The following TACC2 variants were observed in gnomAD, a reference collection of about 807,000 sequenced individuals.
TACC2 encodes the protein transforming acidic coiled-coil-containing protein 2.
A neutral mutation model predicts 227.3 loss-of-function variants in TACC2; 137 were observed. The observed-to-expected ratio is 0.60, with a 90% confidence interval of 0.52 to 0.69. TACC2 has a LOEUF of 0.69. Ranked by LOEUF, TACC2 falls within the 30% of genes least tolerant of loss-of-function variation. The probability of loss-of-function intolerance (pLI) is 0.00; values close to 1 mark genes in which losing one functional copy is unlikely to be tolerated. For missense variants in TACC2, 3,470 were observed against 3,694.4 expected (o/e 0.94, Z 1.57); for synonymous variants, 1,523 against 1,487.5 (o/e 1.02, Z -0.55).
intron 2 of TACC2, among the ~76,000 whole-genome samples, chr10:122,044,566 A>T (rs2074744785): frequency 6.6e-6 from 1 of 152,200 alleles, no homozygotes; most frequent in Non-Finnish European, 1.5e-5. Context: ...GGGGCGACTT[A>T]GGCAGACACT....
intron 1 of TACC2, among the ~76,000 whole-genome samples, chr10:122,005,463 C>A (rs1236676530): frequency 6.6e-6 from 1 of 150,406 alleles, no homozygotes; most frequent in African/African-American, 2.4e-5. Context: ...CGGCTCACTG[C>A]AAGCTCCACC....
rs766415869 is a variant in TACC2, at chr10:122,086,465, C to T, written c.3965C>T (p.Pro1322Leu). The part of the protein sequence containing the change: ...GSPKARTTEG[P>L]VDSMPCLDRM... Reference sequence around the variant, plus strand: ...CCCAAAGCCAGAACCACTGAGGGACCAGTGGACTCCATGCCATGCCTGGAC... The same window carrying T: ...CCCAAAGCCAGAACCACTGAGGGACTAGTGGACTCCATGCCATGCCTGGAC... The change falls in exon 4 of 23, where the codon CCA (proline) becomes CTA (leucine). Residue 1322 changes from proline (P) to leucine (L), a missense_variant. Pro to Leu is a moderately conservative substitution (Grantham distance 98, BLOSUM62 -3). This residue lies in a region of TACC2 where 1,924 missense variants were observed against 1,978.3 expected (regional missense o/e 0.97). Coordinates refer to ENST00000369005, the MANE Select transcript of TACC2 (RefSeq NM_206862.4). The T allele has an allele frequency of 1.2e-6, 2 of 1,613,842 alleles. No homozygotes were observed. The highest frequency in any genetic ancestry group is 1.7e-6 in the Non-Finnish European group (2 of 1,180,034).
chr10:122,116,087 C>T (rs1468487395), intron 5 of TACC2, among the ~76,000 whole-genome samples: 2 of 151,982 alleles, frequency 1.3e-5, no homozygotes, highest in Non-Finnish European at 2.9e-5. Flanking sequence ...CAACTCCCTG[C>T]GATGACAGAA....
chr10:122,235,296 C>T (rs1158042139), intron 16 of TACC2, among the ~76,000 whole-genome samples: 2 of 152,184 alleles, frequency 1.3e-5, no homozygotes, highest in Non-Finnish European at 2.9e-5. Flanking sequence ...CCATGTTGGC[C>T]AGGCTGGTCT....
intron 2 of TACC2, among the ~76,000 whole-genome samples, chr10:122,036,739 A>T (rs972173924): frequency 2.6e-5 from 4 of 152,150 alleles, no homozygotes; most frequent in African/African-American, 7.2e-5. Context: ...TGCTGTGATG[A>T]ATATGGGTGT....
chr10:122,250,026 C>A (rs1662686719), intron 22 of TACC2, among the ~76,000 whole-genome samples: 1 of 152,254 alleles, frequency 6.6e-6, no homozygotes, highest in African/African-American at 2.4e-5. Context: ...GCCCACCAGG[C>A]CCTGGCAGTG....
chr10:122,066,483 G>T (rs904117059), intron 3 of TACC2, among the ~76,000 whole-genome samples: 20 of 152,152 alleles, frequency 1.3e-4, no homozygotes, highest in African/African-American at 4.8e-4. Flanking sequence ...TGGTCAGGGT[G>T]GTCTCGAACC....
chr10:122,160,992 G>A (rs60534825), intron 7 of TACC2, among the ~76,000 whole-genome samples: 11,653 of 152,084 alleles, frequency 0.077, 759 homozygotes, highest in African/African-American at 0.18. Flanking sequence ...ACCCAGGCTG[G>A]AGTGCAGTGG....
chr10:122,085,353 A>C lies in TACC2; in HGVS notation c.2853A>C (p.Gly951=). 6 of 1,613,974 alleles carry C rather than the reference A, an allele frequency of 3.7e-6. No homozygotes were observed. Among genetic ancestry groups the C allele is most frequent in the Non-Finnish European group, 4.2e-6 (5 of 1,180,020 alleles). Residue 951 remains glycine (G), a synonymous_variant, in exon 4 of 23, where the codon GGA becomes GGC. Coordinates refer to ENST00000369005, the MANE Select transcript of TACC2 (RefSeq NM_206862.4). ...CACTAGGGGAGAAGCGGCCAGAGGG[A>C]GCATGCGGTGATGGTCAGTCCTCGA... ...LPALGEKRPE[G]ACGDGQSSRV... is the part of the protein sequence containing the mutation.
chr10:122,142,629 G>A (rs965716662), intron 6 of TACC2, among the ~76,000 whole-genome samples: 3 of 152,304 alleles, frequency 2.0e-5, no homozygotes, highest in South Asian at 2.1e-4. Flanking sequence ...GTGTTTACCC[G>A]CAGAGGGAAG....
At chr10:122,218,684 G>A (rs530309885) in intron 11 of TACC2, among the ~76,000 whole-genome samples, 1 of 152,266 alleles carries the variant, frequency 6.6e-6, no homozygotes, top group African/African-American at 2.4e-5. Context: ...TTGGCTGTCA[G>A]GTTGGCCCTC....
chr10:122,230,277 T>G (rs1191867592), intron 15 of TACC2, 74 bp from the exon 16 acceptor site: 9 of 1,309,678 alleles, frequency 6.9e-6, no homozygotes, highest in Non-Finnish European at 9.9e-6. Context: ...GCACGTTCAT[T>G]TCTCGGATGT....
At chr10:121,995,721 G>A (rs540540920) in intron 1 of TACC2, among the ~76,000 whole-genome samples, 1 of 152,276 alleles carries the variant, frequency 6.6e-6, no homozygotes, top group East Asian at 1.9e-4. Flanking sequence ...CATGTCACAT[G>A]GCAAGAGACA....
At chr10:122,138,774 A>G (rs2090083738) in intron 6 of TACC2, among the ~76,000 whole-genome samples, 1 of 152,214 alleles carries the variant, frequency 6.6e-6, no homozygotes, top group Non-Finnish European at 1.5e-5. Flanking sequence ...GAACTGCCAC[A>G]TTGGCAAGTG....
At chr10:122,027,676 T>C (rs1958212282) in intron 2 of TACC2, among the ~76,000 whole-genome samples, 3 of 152,214 alleles carry the variant, frequency 2.0e-5, no homozygotes, top group African/African-American at 4.8e-5. Flanking sequence ...TTGTTTTTGC[T>C]GTTCTTGCAC....
chr10:122,083,063 T>C lies in TACC2; in HGVS notation c.563T>C (p.Phe188Ser), dbSNP rs1372806087. 6.2e-7 allele frequency: 1 copy of C among 1,612,454 alleles called. No individual in the cohort carries two copies. The highest frequency in any genetic ancestry group is 1.3e-5 in the African/African-American group (1 of 74,868). Reference protein sequence around the residue: ...QPKEEGQKSSFSFSSGIDQSP... With the variant: ...QPKEEGQKSSSSFSSGIDQSP... The stretch of plus-strand genomic sequence containing the variant: ...AAGGAAGAAGGACAGAAGTCCTCCT[T>C]CTCCTTCTCCAGTGGCATCGACCAG... The change falls in exon 4 of 23, where the codon TTC (phenylalanine) becomes TCC (serine). Residue 188 changes from phenylalanine to serine, a missense_variant. By Grantham distance (155) the Phe-to-Ser change is radical. Transcript: ENST00000369005.
intron 8 of TACC2, among the ~76,000 whole-genome samples, chr10:122,200,205 A>C (rs2094736510): frequency 6.6e-6 from 1 of 152,228 alleles, no homozygotes; most frequent in African/African-American, 2.4e-5. Context: ...GTCCAGGCAG[A>C]GGCTGGCACT....
At chr10:122,056,644 T>C (rs1188420571) in intron 3 of TACC2, among the ~76,000 whole-genome samples, 1 of 152,144 alleles carries the variant, frequency 6.6e-6, no homozygotes, top group East Asian at 1.9e-4. Flanking sequence ...GAGGGTCTCC[T>C]GGCAGGGGTG....
chr10:122,094,646 G>A (rs938728733), intron 5 of TACC2, among the ~76,000 whole-genome samples: 4 of 152,202 alleles, frequency 2.6e-5, no homozygotes, highest in African/African-American at 9.6e-5. Flanking sequence ...CTCCTTGGTG[G>A]CAGGGGCTGG....
Sources: allele counts gnomAD v4.1 joint callset (sites outside exome capture counted in the v4.1 genomes callset), GRCh38; gene constraint gnomAD v4.1.1; regional missense constraint gnomAD v4.1.1; transcripts MANE v1.5; gene names NCBI Gene and HGNC (gene_info 2026-07-23, HGNC 2026-07-21).